COL11A2: variants seen among roughly 807,000 people sequenced by gnomAD.
COL11A2 encodes collagen alpha-2(XI) chain.
In COL11A2, 116 loss-of-function variants were observed where a neutral mutation model predicts 273.4. The observed-to-expected ratio is 0.42, with a 90% CI of 0.36 to 0.49. The LOEUF is 0.49. Ranked by LOEUF, COL11A2 falls within the 20% of genes least tolerant of loss-of-function variation. COL11A2 has a pLI of 0.00. For missense variants in COL11A2, 1,866 were observed against 2,309.0 expected, an observed-to-expected ratio of 0.81 and a Z score of 3.93; for synonymous variants, 782 against 864.2, an observed-to-expected ratio of 0.90 and a Z score of 1.67.
rs543458957 is a variant in COL11A2 at position 33,174,231 on chromosome 6, G to A, written c.2431-13C>T. The A allele has an allele frequency of 6.4e-7, 1 of 1,551,832 alleles. No homozygotes were observed. Among genetic ancestry groups the A allele is most frequent in the Non-Finnish European group, 8.7e-7 (1 of 1,149,134 alleles). On this transcript the variant is annotated splice_polypyrimidine_tract_variant and intron_variant, in intron 31 of 65. Coordinates refer to ENST00000341947, the MANE Select transcript of COL11A2 (RefSeq NM_080680.3). Reference sequence around the variant, plus strand: ...ATCCTAGGGACCCCTGGTGAGAACGGAGAAGGGGGGAAATTGAGAAGTTAT... The same window carrying A: ...ATCCTAGGGACCCCTGGTGAGAACGAAGAAGGGGGGAAATTGAGAAGTTAT...
rs1299665445 is a variant in COL11A2 at position 33,174,647 on chromosome 6, T to TCAACCC, written c.2377-73_2377-68dup. The TCAACCC allele has an allele frequency of 2.7e-6, 4 of 1,501,200 alleles. No individual in the cohort carries two copies. The African/African-American group carries it at 5.5e-5, about 21-fold the overall frequency. 93.0% of individuals were successfully genotyped at this position (1,501,200 alleles called of 1,614,324 possible). ...AGATGCCACTCCACCCCTGGAGACC[T>TCAACCC]CAACCCTCACATATAACAGCCAGCC... On this transcript the variant is annotated intron_variant, in intron 30 of 65. Transcript: ENST00000341947.
In COL11A2 at chr6:33,175,589, C is replaced by T. The variant is rs963765813; in HGVS notation, c.2361G>A (p.Gly787=). Residue 787 remains glycine, a synonymous_variant, in exon 30 of 66, where the codon GGG becomes GGA. Transcript: ENST00000341947. ...TGPTGDPGPP[G]LMGEKGKLGV... Reference sequence around the variant, plus strand: ...ATCCCATCACCTTCTCGCCCATGAGCCCTGGGGGCCCAGGGTCTCCAGTCG... The same window carrying T: ...ATCCCATCACCTTCTCGCCCATGAGTCCTGGGGGCCCAGGGTCTCCAGTCG... 2.5e-6 allele frequency: 4 copies of T among 1,612,920 alleles called. No individual in the cohort carries two copies. The highest frequency in any genetic ancestry group is 2.5e-6 in the Non-Finnish European group (3 of 1,179,974).
At position 33,177,135 on chromosome 6, in the gene COL11A2, A is replaced by C; in HGVS notation, c.2016+46T>G. On this transcript the variant is annotated intron_variant, in intron 24 of 65. Transcript: ENST00000341947. The surrounding 1 kb of genome is among the most constrained non-coding windows in gnomAD (Gnocchi z 5.9). ...AGCAGACATTTAGGGTTCTCCCTAC[A>C]TCCCCACTCTAAACCCCCTGTCCTC... 6.2e-7 allele frequency: 1 copy of C among 1,612,710 alleles called. No individual in the cohort carries two copies. The highest frequency in any genetic ancestry group is 1.1e-5 in the South Asian group (1 of 91,078).
chr6:33,185,568 T>C (rs981668761), intron 6 of COL11A2, 133 bp downstream of exon 6: 5 of 484,976 alleles, frequency 1.0e-5, no homozygotes, highest in South Asian at 6.1e-5. Context: ...GGGCAGGAAC[T>C]AAGTAAATCC....
intron 3 of COL11A2, 151 bp downstream of exon 3, chr6:33,188,827 T>C (rs1395689518): frequency 4.2e-5 from 41 of 967,150 alleles, no homozygotes; most frequent in Non-Finnish European, 6.7e-5. Flanking sequence ...AAGCCCAAAC[T>C]CTGGACTAGA....
Position 33,173,152 on chromosome 6 carries a change from G to A in COL11A2, c.2737-39C>T, listed in dbSNP as rs1461143243. 6.3e-7 allele frequency: 1 copy of A among 1,592,358 alleles called. No individual in the cohort carries two copies. Among genetic ancestry groups the A allele is most frequent in the Non-Finnish European group, 8.6e-7 (1 of 1,168,300 alleles). On this transcript the variant is annotated intron_variant, in intron 37 of 65. Coordinates refer to ENST00000341947, the MANE Select transcript of COL11A2 (RefSeq NM_080680.3). This position sits in a 1 kb window ranked among gnomAD's most constrained non-coding sequence, Gnocchi z 6.3. ...AGAGGAGAATGCAGTGAAAGCAGGT[G>A]TGGGCGCTGTGGGGCAGATTCCCAG...
At position 33,175,548 on chromosome 6, in the gene COL11A2, C is replaced by A. The variant is rs374033910; in HGVS notation, c.2376+26G>T. The A allele has an allele frequency of 1.7e-4, 266 of 1,600,618 alleles. 3 individuals carry two copies. The South Asian group carries it at 2.7e-3, about 16-fold the overall frequency. On this transcript the variant is annotated intron_variant, in intron 30 of 65. Coordinates refer to ENST00000341947, the MANE Select transcript of COL11A2 (RefSeq NM_080680.3). The stretch of plus-strand genomic sequence containing the variant: ...CCAGTGCCCACACCCCCAGAGGACC[C>A]AGGCACAGAACCCTCATCCCATCAC...
Position 33,163,751 on chromosome 6 carries a change from G to A in COL11A2, c.5138C>T (p.Ala1713Val), listed in dbSNP as rs1162972778. The change falls in exon 66 of 66, where the codon GCC (alanine) becomes GTC (valine). Residue 1713 changes from alanine (A) to valine (V), a missense_variant. Ala to Val is a moderately conservative substitution (Grantham distance 64). Coordinates refer to ENST00000341947, the MANE Select transcript of COL11A2 (RefSeq NM_080680.3). The surrounding 1 kb of genome is among the most constrained non-coding windows in gnomAD (Gnocchi z 4.1). ...PVLEQLPVLD[A>V]SFSDLGAPPR... ...TGGGGCTCCCAGGTCTGAGAAGGAGGCATCCAGCACTGGCAGCTGCTCCAG... is the reference window on the plus strand; with the variant it reads ...TGGGGCTCCCAGGTCTGAGAAGGAGACATCCAGCACTGGCAGCTGCTCCAG... 1 of 1,613,102 alleles carries A rather than the reference G, an allele frequency of 6.2e-7. No individual in the cohort carries two copies. The highest frequency in any genetic ancestry group is 1.7e-5 in the Admixed American group (1 of 60,032).
Position 33,164,238 on chromosome 6 carries a change from GC to G in COL11A2, c.5070+28del, listed in dbSNP as rs1257166626. ...TTCCTCCAGCCTGAGTCTGAGATCA[GC>G]CCCCAACCCAGCTCTTCCTGTTCCC... On this transcript the variant is annotated intron_variant, in intron 65 of 65. Coordinates refer to ENST00000341947, the MANE Select transcript of COL11A2 (RefSeq NM_080680.3). The surrounding 1 kb of genome is among the most constrained non-coding windows in gnomAD (Gnocchi z 4.7). 1 of 1,611,436 alleles carries G rather than the reference GC, an allele frequency of 6.2e-7. No individual in the cohort carries two copies. The highest frequency in any genetic ancestry group is 8.5e-7 in the Non-Finnish European group (1 of 1,179,140).
rs145135650 is a variant in COL11A2, at chr6:33,182,900, C to G, written c.1119+1245G>C. On this transcript the variant is annotated intron_variant, in intron 8 of 65. Transcript: ENST00000341947. ...ACATTCACCACCACCCCAACTCCCCCCAACAAAGATCTTCAGAATGCCCCT... is the reference window on the plus strand; with the variant it reads ...ACATTCACCACCACCCCAACTCCCCGCAACAAAGATCTTCAGAATGCCCCT... Among the ~76,000 whole-genome samples, 259 of 152,204 alleles carry G rather than the reference C, an allele frequency of 1.7e-3. 1 individual carries two copies. The East Asian group carries it at 0.032, about 19-fold the overall frequency.
chr6:33,180,146 G>T, intron 12 of COL11A2, 112 bp downstream of exon 12: 1 of 1,144,760 alleles, frequency 8.7e-7, no homozygotes. Flanking sequence ...GATGATCTTT[G>T]ATGATCTTTA....
In COL11A2 at chr6:33,189,322, G is replaced by T. The variant is rs35765893; in HGVS notation, c.230C>A (p.Pro77Gln). 4.8e-4 allele frequency: 773 copies of T among 1,613,780 alleles called. 25 individuals are homozygous for T. The South Asian group carries it at 6.0e-3, about 12-fold the overall frequency. ...CTACCCCACCATGTCACCCATACCTGGGAAAAGCTGGCGAGTGGGTGCACT... is the reference window on the plus strand; with the variant it reads ...CTACCCCACCATGTCACCCATACCTTGGAAAAGCTGGCGAGTGGGTGCACT... ...QLSAPTRQLF[P>Q]GGFPKDFSLL... The change falls in exon 2 of 66, where the codon CCA becomes CAA. Residue 77 changes from proline to glutamine, a missense_variant and splice_region_variant. Physicochemically the swap from Pro to Gln is moderately conservative, Grantham distance 76 (BLOSUM62 -1). Coordinates refer to ENST00000341947, the MANE Select transcript of COL11A2 (RefSeq NM_080680.3). This position sits in a 1 kb window ranked among gnomAD's most constrained non-coding sequence, Gnocchi z 5.6.
rs897625329 is a variant in COL11A2, at chr6:33,164,423, G to A, written c.4914C>T (p.Thr1638=). ...CTGAGACGCTGAGCAGCCGCAGGAA[G>A]GTGAGCTGGACCACACCCACTGGGG... ...EGSPVGVVQL[T]FLRLLSVSAH... Residue 1638 remains threonine, a synonymous_variant, in exon 65 of 66, where the codon ACC becomes ACT. Coordinates refer to ENST00000341947, the MANE Select transcript of COL11A2 (RefSeq NM_080680.3). This position sits in a 1 kb window ranked among gnomAD's most constrained non-coding sequence, Gnocchi z 4.7. The A allele has an allele frequency of 1.1e-5, 18 of 1,594,366 alleles. No homozygotes were observed. The highest frequency in any genetic ancestry group is 1.5e-5 in the Non-Finnish European group (17 of 1,170,850).
In COL11A2 at chr6:33,169,143, C is replaced by A; in HGVS notation, c.3799-135G>T. The A allele has an allele frequency of 1.2e-6, 1 of 844,226 alleles. No homozygotes were observed. The highest frequency in any genetic ancestry group is 1.7e-5 in the South Asian group (1 of 58,866). The allele number at this position is 844,226 out of a possible 1,614,324, so 52.3% of individuals were successfully genotyped here. A position where few individuals can be genotyped will look rare whatever the true frequency, so the allele number is the denominator to read the frequency against. ...CCCCCAGGAAGAGGTCTCCTGCACCCCTTTCCCTACCACGTGCACTGCGTG... is the reference window on the plus strand; with the variant it reads ...CCCCCAGGAAGAGGTCTCCTGCACCACTTTCCCTACCACGTGCACTGCGTG... On this transcript the variant is annotated intron_variant, in intron 51 of 65. Coordinates refer to ENST00000341947, the MANE Select transcript of COL11A2 (RefSeq NM_080680.3). This position sits in a 1 kb window ranked among gnomAD's most constrained non-coding sequence, Gnocchi z 5.5.
chr6:33,182,285 A>G (rs1334572179), intron 8 of COL11A2, among the ~76,000 whole-genome samples: 1 of 152,232 alleles, frequency 6.6e-6, no homozygotes, highest in African/African-American at 2.4e-5. Flanking sequence ...AAAGAAAAAA[A>G]AGAATCTGAT....
At position 33,180,347 on chromosome 6, in the gene COL11A2, G is replaced by A. The variant is rs1191487661; in HGVS notation, c.1285-15C>T. On this transcript the variant is annotated splice_polypyrimidine_tract_variant and intron_variant, in intron 11 of 65. Transcript: ENST00000341947. ...CCAGGGGGGCCCTGGAGTGGGAAGA[G>A]AATGCAAAAGATGGGGTGAAAGATA... 1.2e-6 allele frequency: 2 copies of A among 1,606,598 alleles called. No homozygotes were observed. The highest frequency in any genetic ancestry group is 2.7e-5 in the African/African-American group (2 of 74,710).
rs1770575109 is a variant in COL11A2 at position 33,174,226 on chromosome 6, G to C, written c.2431-8C>G. ...AGGAAATCCTAGGGACCCCTGGTGA[G>C]AACGGAGAAGGGGGGAAATTGAGAA... On this transcript the variant is annotated splice_region_variant and splice_polypyrimidine_tract_variant and intron_variant, in intron 31 of 65. Coordinates refer to ENST00000341947, the MANE Select transcript of COL11A2 (RefSeq NM_080680.3). 1 of 1,555,868 alleles carries C rather than the reference G, an allele frequency of 6.4e-7. No individual in the cohort carries two copies. Among genetic ancestry groups the C allele is most frequent in the Non-Finnish European group, 8.7e-7 (1 of 1,150,998 alleles).
chr6:33,168,407 G>C (rs982600305), intron 54 of COL11A2, 112 bp downstream of exon 54: 127 of 1,170,964 alleles, frequency 1.1e-4, no homozygotes, highest in Admixed American at 8.6e-5. Context: ...CACACACCCA[G>C]GGCAATGCAG....
In COL11A2 at chr6:33,189,026, T is replaced by C; in HGVS notation, c.395A>G (p.Gln132Arg). The C allele has an allele frequency of 6.2e-7, 1 of 1,614,160 alleles. No individual in the cohort carries two copies. The highest frequency in any genetic ancestry group is 8.5e-7 in the Non-Finnish European group (1 of 1,180,022). The change falls in exon 3 of 66, where the codon CAA becomes CGA. Residue 132 changes from glutamine (Q) to arginine (R), a missense_variant. Physicochemically the swap from Gln to Arg is conservative, Grantham distance 43. Transcript: ENST00000341947. This position sits in a 1 kb window ranked among gnomAD's most constrained non-coding sequence, Gnocchi z 5.6. ...TCGGAAGACTGGCTGAGAGGGAGGT[T>C]GAGGCCGCCCAGTCTGGTCTTCATA... is the stretch of plus-strand genomic sequence containing the variant. ...FLYEDQTGRPQPPSQPVFRGL... is the reference protein window; with the variant it reads ...FLYEDQTGRPRPPSQPVFRGL...
Sources: allele counts gnomAD v4.1 joint callset (sites outside exome capture counted in the v4.1 genomes callset), GRCh38; gene constraint gnomAD v4.1.1; non-coding constraint Gnocchi (gnomAD v3.1); transcripts MANE v1.5; gene names NCBI Gene and HGNC (gene_info 2026-07-23, HGNC 2026-07-21).